Variants in CTNNBL1 observed in about 807,000 individuals in gnomAD.
CTNNBL1 encodes the protein beta-catenin-like protein 1.
In CTNNBL1, 31 loss-of-function variants were observed where a neutral mutation model predicts 72.7. The ratio of observed to expected loss-of-function variants is 0.43; its 90% confidence interval spans 0.32 to 0.58. CTNNBL1 has a LOEUF of 0.58. Ranked by LOEUF, CTNNBL1 falls within the 20% of genes least tolerant of loss-of-function variation. The probability of loss-of-function intolerance (pLI) is 0.08; values close to 1 mark genes in which losing one functional copy is unlikely to be tolerated. For synonymous variants in CTNNBL1, 240 were observed against 267.3 expected, an observed-to-expected ratio of 0.90 and a Z score of 1.00; for missense variants, 534 against 725.1, an observed-to-expected ratio of 0.74 and a Z score of 3.03.
At chr20:37,840,051 A>G (rs2072289517) in intron 11 of CTNNBL1, 51 bp from the exon 12 acceptor site, 1 of 1,371,360 alleles carries the variant, frequency 7.3e-7, no homozygotes, top group Non-Finnish European at 1.0e-6. Flanking sequence ...AAGAGAGGTA[A>G]TAATTACTGC....
intron 1 of CTNNBL1, among the ~76,000 whole-genome samples, chr20:37,698,480 T>C (rs1322283783): frequency 1.3e-5 from 2 of 152,338 alleles, no homozygotes; most frequent in South Asian, 4.1e-4. Flanking sequence ...TTCAGAATCA[T>C]GGTCTAAGGC....
intron 15 of CTNNBL1, among the ~76,000 whole-genome samples, chr20:37,865,708 C>T (rs1444623424): frequency 6.6e-6 from 1 of 152,210 alleles, no homozygotes; most frequent in East Asian, 1.9e-4. Context: ...ACTGGCCAGT[C>T]TTATCGATGT....
chr20:37,841,949 A>T (rs2072307594), intron 12 of CTNNBL1, among the ~76,000 whole-genome samples: 2 of 152,196 alleles, frequency 1.3e-5, no homozygotes, highest in South Asian at 4.1e-4. Flanking sequence ...AGTTTGAAAA[A>T]AGAAATTTCT....
At position 37,728,695 on chromosome 20, in the gene CTNNBL1, A is replaced by G. The variant is rs112891727; in HGVS notation, c.31-4184A>G. Among the ~76,000 whole-genome samples, 600 of 152,348 alleles carry G rather than the reference A, an allele frequency of 3.9e-3. 6 individuals carry two copies. Among genetic ancestry groups the G allele is most frequent in the African/African-American group, 0.014 (569 of 41,572 alleles). ...TTAGAAGAGAATGTGGAAATAAAAC[A>G]TATCAGGGCTTTTGCATGGCTTACT... On this transcript the variant is annotated intron_variant, in intron 1 of 15. Transcript: ENST00000361383.
chr20:37,835,646 G>A (rs886870454), intron 11 of CTNNBL1, among the ~76,000 whole-genome samples: 2 of 152,148 alleles, frequency 1.3e-5, no homozygotes, highest in Non-Finnish European at 2.9e-5. Context: ...CTAGGAATAT[G>A]TTTTAAGAAT....
intron 5 of CTNNBL1, among the ~76,000 whole-genome samples, chr20:37,760,707 A>G (rs1363033999): frequency 1.3e-5 from 2 of 152,356 alleles, no homozygotes; most frequent in African/African-American, 2.4e-5. Flanking sequence ...GAGATATTTA[A>G]TAAGTCTTTA....
intron 10 of CTNNBL1, among the ~76,000 whole-genome samples, chr20:37,780,484 A>G (rs890544480): frequency 1.2e-4 from 18 of 152,054 alleles, no homozygotes; most frequent in Non-Finnish European, 2.1e-4. Context: ...ATTTTTAACA[A>G]CTTTTTAAGC....
At chr20:37,826,761 T>C (rs947748807) in intron 11 of CTNNBL1, among the ~76,000 whole-genome samples, 1 of 152,202 alleles carries the variant, frequency 6.6e-6, no homozygotes, top group East Asian at 1.9e-4. Flanking sequence ...GTGTCAGTCA[T>C]CCATCCATGT....
intron 4 of CTNNBL1, among the ~76,000 whole-genome samples, chr20:37,747,612 T>C (rs1379741813): frequency 3.3e-5 from 5 of 152,148 alleles, no homozygotes; most frequent in African/African-American, 4.8e-5. Context: ...AGGGTCTTGC[T>C]TTGTCACCCT....
chr20:37,755,347 G>A (rs1028847088), intron 4 of CTNNBL1, among the ~76,000 whole-genome samples: 2 of 152,080 alleles, frequency 1.3e-5, no homozygotes, highest in African/African-American at 2.4e-5. Flanking sequence ...TATTTTTGCT[G>A]TTTTTTATTA....
chr20:37,830,953 A>T (rs1431232530), intron 11 of CTNNBL1, among the ~76,000 whole-genome samples: 5 of 152,198 alleles, frequency 3.3e-5, no homozygotes, highest in Non-Finnish European at 5.9e-5. Context: ...AAAGACAAAA[A>T]ATAAGTCAAG....
intron 9 of CTNNBL1, 26 bp downstream of exon 9, chr20:37,777,738 T>G: frequency 6.2e-7 from 1 of 1,608,604 alleles, no homozygotes; most frequent in Non-Finnish European, 8.5e-7. Context: ...GCTTCCTGTC[T>G]GCTGTAAGAT....
At chr20:37,865,592 C>T (rs895579547) in intron 15 of CTNNBL1, among the ~76,000 whole-genome samples, 2 of 152,158 alleles carry the variant, frequency 1.3e-5, no homozygotes, top group Admixed American at 6.5e-5. Flanking sequence ...CAGGCAGCTA[C>T]GCATGGGCAT....
At chr20:37,699,993 C>A (rs766326070) in intron 1 of CTNNBL1, among the ~76,000 whole-genome samples, 1 of 152,114 alleles carries the variant, frequency 6.6e-6, no homozygotes, top group Non-Finnish European at 1.5e-5. Flanking sequence ...ATTAAGTACG[C>A]GACTCTCTCT....
intron 10 of CTNNBL1, among the ~76,000 whole-genome samples, chr20:37,783,606 T>G (rs2073645924): frequency 6.6e-6 from 1 of 152,208 alleles, no homozygotes; most frequent in Non-Finnish European, 1.5e-5. Flanking sequence ...TTTCTTAATT[T>G]CTTCATTGGC....
chr20:37,825,946 A>G (rs2072155862), intron 11 of CTNNBL1, among the ~76,000 whole-genome samples: 1 of 152,232 alleles, frequency 6.6e-6, no homozygotes, highest in Admixed American at 6.5e-5. Context: ...ATAGGAAACT[A>G]CAGGCTGGAG....
intron 5 of CTNNBL1, among the ~76,000 whole-genome samples, chr20:37,762,976 C>A (rs758643156): frequency 1.8e-4 from 27 of 152,112 alleles, no homozygotes; most frequent in Non-Finnish European, 3.1e-4. Context: ...GACAGTGTCC[C>A]CACTAGCTTC....
At position 37,698,249 on chromosome 20, in the gene CTNNBL1, C is replaced by T. The variant is rs6020280; in HGVS notation, c.30+4097C>T. Among the ~76,000 whole-genome samples the T allele has an allele frequency of 8.8e-3, 1,334 of 152,348 alleles. 18 individuals carry two copies. Among genetic ancestry groups the T allele is most frequent in the African/African-American group, 0.03 (1,258 of 41,580 alleles). On this transcript the variant is annotated intron_variant, in intron 1 of 15. Coordinates refer to ENST00000361383, the MANE Select transcript of CTNNBL1 (RefSeq NM_030877.5). ...GGGCTGAAACCTCCTAAGTCTGCTA[C>T]TGGAGAGCACTTTGATCTCGCCAGC...
At chr20:37,784,079 G>A (rs925809330) in intron 10 of CTNNBL1, among the ~76,000 whole-genome samples, 2 of 152,070 alleles carry the variant, frequency 1.3e-5, no homozygotes, top group African/African-American at 4.8e-5. Context: ...TTGCTGAATG[G>A]GTCCCTTTAC....
Sources: gnomAD v4.1 joint callset for allele counts (sites outside exome capture counted in the v4.1 genomes callset) on GRCh38, gnomAD v4.1.1 for gene constraint, MANE v1.5 for transcripts, NCBI Gene and HGNC (gene_info 2026-07-23, HGNC 2026-07-21) for gene names.